Variants in UTP20 observed in about 807,000 individuals in gnomAD.
UTP20 encodes the protein small subunit processome component 20 homolog.
In UTP20, 164 loss-of-function variants were observed where a neutral mutation model predicts 329.5. The observed-to-expected ratio is 0.50, with a 90% CI of 0.44 to 0.57. UTP20 has a LOEUF of 0.57. UTP20 is among the 20% of genes least tolerant of loss of function. The probability of loss-of-function intolerance (pLI) is 0.00; values close to 1 mark genes in which losing one functional copy is unlikely to be tolerated. For synonymous variants in UTP20, 1,151 were observed against 1,159.3 expected (o/e 0.99, Z 0.14); for missense variants, 3,055 against 3,284.2 (o/e 0.93, Z 1.71).
chr12:101,351,292 A>G (rs537517490), intron 38 of UTP20, among the ~76,000 whole-genome samples: 45 of 152,068 alleles, frequency 3.0e-4, no homozygotes, highest in Middle Eastern at 3.4e-3. Flanking sequence ...ATGCCCAGCT[A>G]ATTTTTGTAT....
Position 101,338,957 on chromosome 12 carries a change from A to G in UTP20, c.4013A>G (p.Lys1338Arg), listed in dbSNP as rs1373394579. 2 of 1,588,452 alleles carry G rather than the reference A, an allele frequency of 1.3e-6. No individual in the cohort carries two copies. Among genetic ancestry groups the G allele is most frequent in the South Asian group, 2.3e-5 (2 of 86,310 alleles). ...QVSKELGILS[K>R]ISKFMKDKEQ... Reference sequence around the variant, plus strand: ...AGTAAAGAGCTTGGCATTCTTTCAAAGTAAGTGATATGTTGATACTTAAAA... The same window carrying G: ...AGTAAAGAGCTTGGCATTCTTTCAAGGTAAGTGATATGTTGATACTTAAAA... Residue 1338 changes from lysine (K) to arginine (R), a missense_variant and splice_region_variant, in exon 31 of 62, where the codon AAG (lysine) becomes AGG (arginine). Lys to Arg is a conservative substitution (Grantham distance 26, BLOSUM62 2). Around this residue, in one of 3 missense-constraint regions of UTP20, gnomAD observed 2,445 missense variants for 2,575.5 expected, o/e 0.95. Coordinates refer to ENST00000261637, the MANE Select transcript of UTP20 (RefSeq NM_014503.3).
chr12:101,308,288 G>C lies in UTP20; in HGVS notation c.2099G>C (p.Arg700Thr). The change falls in exon 18 of 62, where the codon AGA (arginine) becomes ACA (threonine). Residue 700 changes from arginine to threonine, a missense_variant. By Grantham distance (71) the Arg-to-Thr change is moderately conservative. Around this residue, in one of 3 missense-constraint regions of UTP20, gnomAD observed 2,445 missense variants for 2,575.5 expected, o/e 0.95. Transcript: ENST00000261637. ...TATAGAGAGAAGCTTCTTCATTTGA[G>C]AAAACTAAGACATGATGTGGTACAG... ...NDYREKLLHL[R>T]KLRHDVVQTA... 1 of 1,612,818 alleles carries C rather than the reference G, an allele frequency of 6.2e-7. No homozygotes were observed. Among genetic ancestry groups the C allele is most frequent in the Non-Finnish European group, 8.5e-7 (1 of 1,179,484 alleles).
At position 101,321,621 on chromosome 12, in the gene UTP20, T is replaced by C; in HGVS notation, c.3033T>C (p.Ile1011=). 2 of 1,613,292 alleles carry C rather than the reference T, an allele frequency of 1.2e-6. No individual in the cohort carries two copies. Among genetic ancestry groups the C allele is most frequent in the Non-Finnish European group, 1.7e-6 (2 of 1,179,572 alleles). The change falls in exon 25 of 62, where the codon ATT becomes ATC. Residue 1011 remains isoleucine, a synonymous_variant. Transcript: ENST00000261637. ...KTAHRADLFP[I]LMRILYGRMK... ...CCCACCGAGCAGATCTATTTCCTATTCTGATGAGGTATTTATGCTGTTCAA... is the reference window on the plus strand; with the variant it reads ...CCCACCGAGCAGATCTATTTCCTATCCTGATGAGGTATTTATGCTGTTCAA...
At chr12:101,282,546 A>C (rs1376999738) in intron 2 of UTP20, among the ~76,000 whole-genome samples, 2 of 152,162 alleles carry the variant, frequency 1.3e-5, no homozygotes, top group Non-Finnish European at 1.5e-5. Context: ...CAAGGATCAT[A>C]AAGGACTTCA....
At chr12:101,292,617 CA>C (rs1196278487) in intron 10 of UTP20, among the ~76,000 whole-genome samples, 2 of 152,106 alleles carry the variant, frequency 1.3e-5, no homozygotes, top group African/African-American at 4.8e-5. Context: ...AGCAGTCTGC[CA>C]GTCAGAAGCG....
At chr12:101,295,820 A>G (rs1183147791) in intron 12 of UTP20, among the ~76,000 whole-genome samples, 162 bp downstream of exon 12, 2 of 151,580 alleles carry the variant, frequency 1.3e-5, no homozygotes, top group Non-Finnish European at 1.5e-5. Context: ...TAGTACGTAT[A>G]GTATGATCTC....
rs150431386 is a variant in UTP20, at chr12:101,316,754, G to A, written c.2553-724G>A. 4.5e-4 allele frequency among the ~76,000 whole-genome samples: 69 copies of A among 152,280 alleles called. 1 individual carries two copies. Among genetic ancestry groups the A allele is most frequent in the African/African-American group, 1.7e-3 (69 of 41,560 alleles). On this transcript the variant is annotated intron_variant, in intron 21 of 61. Transcript: ENST00000261637. The stretch of plus-strand genomic sequence containing the variant: ...AGACAACAAAAGGTTAATTGTTTGG[G>A]TGAGTGAATGAAAGTGACATAAACT...
chr12:101,384,377 C>G (rs1288998924), intron 60 of UTP20, among the ~76,000 whole-genome samples: 2 of 152,130 alleles, frequency 1.3e-5, no homozygotes, highest in African/African-American at 4.8e-5. Context: ...CCCATCTCTA[C>G]AAAAGATACA....
Position 101,381,187 on chromosome 12 carries a change from C to A in UTP20, c.7632C>A (p.Phe2544Leu). 6.2e-7 allele frequency: 1 copy of A among 1,613,898 alleles called. No homozygotes were observed. Among genetic ancestry groups the A allele is most frequent in the Non-Finnish European group, 8.5e-7 (1 of 1,179,768 alleles). Residue 2544 changes from phenylalanine to leucine, a missense_variant, in exon 58 of 62, where the codon TTC (phenylalanine) becomes TTA (leucine). Coordinates refer to ENST00000261637, the MANE Select transcript of UTP20 (RefSeq NM_014503.3). ...CTTGCCATCAATTGCATTCCAAATTCTTGGATCAGTCTCTAGGAGAACAGG... is the reference window on the plus strand; with the variant it reads ...CTTGCCATCAATTGCATTCCAAATTATTGGATCAGTCTCTAGGAGAACAGG... ...LASCHQLHSK[F>L]LDQSLGEQVV... is the part of the protein sequence containing the mutation.
chr12:101,374,565 A>T (rs186009556), intron 54 of UTP20, among the ~76,000 whole-genome samples: 3 of 152,294 alleles, frequency 2.0e-5, no homozygotes, highest in African/African-American at 7.2e-5. Flanking sequence ...TGGAAAAAAA[A>T]ATTAAAGTAT....
Position 101,345,596 on chromosome 12 carries a change from C to G in UTP20, c.4648C>G (p.Gln1550Glu), listed in dbSNP as rs1300048218. ...TACCACAATACTTTCCTGTTTAATT[C>G]AAACCTTTCCAAACCAACTGGAATT... Reference protein sequence around the residue: ...DYTTILSCLIQTFPNQLEFKD... With the variant: ...DYTTILSCLIETFPNQLEFKD... The change falls in exon 37 of 62, where the codon CAA (glutamine) becomes GAA (glutamate). Residue 1550 changes from glutamine (Q) to glutamate (E), a missense_variant. This residue lies in a region of UTP20 where 2,445 missense variants were observed against 2,575.5 expected (regional missense o/e 0.95). Coordinates refer to ENST00000261637, the MANE Select transcript of UTP20 (RefSeq NM_014503.3). 6.2e-7 allele frequency: 1 copy of G among 1,608,398 alleles called. No homozygotes were observed. Among genetic ancestry groups the G allele is most frequent in the East Asian group, 2.2e-5 (1 of 44,776 alleles).
intron 15 of UTP20, among the ~76,000 whole-genome samples, chr12:101,304,920 G>A (rs1872612471): frequency 6.6e-6 from 1 of 152,194 alleles, no homozygotes; most frequent in Non-Finnish European, 1.5e-5. Context: ...CCTCCTCGAT[G>A]TTCCTGCAGA....
At chr12:101,369,627 C>T (rs959350866) in intron 48 of UTP20, 94 bp from the exon 49 acceptor site, 1 of 687,082 alleles carries the variant, frequency 1.5e-6, no homozygotes, top group Non-Finnish European at 2.6e-6. Flanking sequence ...ATTTATTCAG[C>T]ACAATCATTT....
At chr12:101,300,807 G>A (rs1326225542) in intron 14 of UTP20, among the ~76,000 whole-genome samples, 3 of 152,098 alleles carry the variant, frequency 2.0e-5, no homozygotes, top group African/African-American at 7.2e-5. Flanking sequence ...GAATAAAGTG[G>A]ACTCGCCGCA....
chr12:101,313,821 C>T (rs867927838), intron 21 of UTP20, among the ~76,000 whole-genome samples: 1 of 151,844 alleles, frequency 6.6e-6, no homozygotes, highest in South Asian at 2.1e-4. Flanking sequence ...AGAAAGTTCT[C>T]ATTTACTGAG....
At chr12:101,384,696 C>G (rs1397584673) in intron 60 of UTP20, among the ~76,000 whole-genome samples, 1 of 151,928 alleles carries the variant, frequency 6.6e-6, no homozygotes, top group Non-Finnish European at 1.5e-5. Flanking sequence ...GAACTGGGGG[C>G]AGGAAGGAAA....
At position 101,310,220 on chromosome 12, in the gene UTP20, C is replaced by T. The variant is rs147054756; in HGVS notation, c.2231+381C>T. ...TTTAAAAATAAAGACTTTTTCAAAA[C>T]CTTGCTGTCTAGCATCCAAAATCCC... On this transcript the variant is annotated intron_variant, in intron 19 of 61. Coordinates refer to ENST00000261637, the MANE Select transcript of UTP20 (RefSeq NM_014503.3). Among the ~76,000 whole-genome samples, 1,439 of 152,122 alleles carry T rather than the reference C, an allele frequency of 9.5e-3. 6 individuals are homozygous for T. The highest frequency in any genetic ancestry group is 0.015 in the Non-Finnish European group (1,004 of 67,966).
intron 12 of UTP20, among the ~76,000 whole-genome samples, chr12:101,296,570 CAAAAAA>C (rs35977909): frequency 4.4e-5 from 5 of 114,630 alleles, no homozygotes; most frequent in Admixed American, 1.9e-4. Flanking sequence ...GACTTCATCT[CAAAAAA>C]AAAAAAAGAA....
In UTP20 at chr12:101,290,180, T is replaced by C; in HGVS notation, c.641T>C (p.Leu214Pro). Reference sequence around the variant, plus strand: ...CTTTTCAATTTAATGTTTCTTGATCTTGATAAACATCCAGAAAAAGTTGAA... The same window carrying C: ...CTTTTCAATTTAATGTTTCTTGATCCTGATAAACATCCAGAAAAAGTTGAA... ...NALFNLMFLD[L>P]DKHPEKVEGV... is the part of the protein sequence containing the mutation. Residue 214 changes from leucine (L) to proline (P), a missense_variant, in exon 7 of 62, where the codon CTT (leucine) becomes CCT (proline). By Grantham distance (98) the Leu-to-Pro change is moderately conservative. Around this residue, in one of 3 missense-constraint regions of UTP20, gnomAD observed 2,445 missense variants for 2,575.5 expected, o/e 0.95. Coordinates refer to ENST00000261637, the MANE Select transcript of UTP20 (RefSeq NM_014503.3). 1 of 1,608,470 alleles carries C rather than the reference T, an allele frequency of 6.2e-7. No homozygotes were observed. Among genetic ancestry groups the C allele is most frequent in the South Asian group, 1.1e-5 (1 of 89,532 alleles).
Sources: allele counts gnomAD v4.1 joint callset (sites outside exome capture counted in the v4.1 genomes callset), GRCh38; gene constraint gnomAD v4.1.1; regional missense constraint gnomAD v4.1.1; transcripts MANE v1.5; gene names NCBI Gene and HGNC (gene_info 2026-07-23, HGNC 2026-07-21).